KATNA1: variants seen among roughly 807,000 people sequenced by gnomAD.
The protein encoded by KATNA1 is katanin p60 ATPase-containing subunit A1.
KATNA1 carries 42 observed loss-of-function variants against 62.6 expected under a neutral mutation model. The ratio of observed to expected loss-of-function variants is 0.67; its 90% confidence interval spans 0.52 to 0.87. The LOEUF (loss-of-function observed/expected upper bound fraction) is 0.87, where lower values mean the gene tolerates loss of function less well. Among genes scored for constraint, KATNA1 ranks in the 40% least tolerant of loss-of-function variants. The probability of loss-of-function intolerance (pLI) is 0.00; values close to 1 mark genes in which losing one functional copy is unlikely to be tolerated. For missense variants in KATNA1, 498 were observed against 612.5 expected, an observed-to-expected ratio of 0.81 and a Z score of 1.97; for synonymous variants, 186 against 201.9, an observed-to-expected ratio of 0.92 and a Z score of 0.67.
intron 4 of KATNA1, among the ~76,000 whole-genome samples, chr6:149,621,146 T>A (rs1315780015): frequency 6.8e-6 from 1 of 147,806 alleles, no homozygotes; most frequent in Non-Finnish European, 1.5e-5. Flanking sequence ...TTTTTTGAGA[T>A]GGAGTCTCAC....
At chr6:149,623,468 G>A (rs1392837131) in intron 3 of KATNA1, among the ~76,000 whole-genome samples, 185 bp from the exon 4 acceptor site, 2 of 152,168 alleles carry the variant, frequency 1.3e-5, no homozygotes, top group African/African-American at 4.8e-5. Context: ...AAGGCGCGGT[G>A]GCTCACACCT....
rs1490319594 is a variant in KATNA1, at chr6:149,634,311, A to AAAATAAAATAAAATAAAATT, written c.163-1396_163-1395insAATTTTATTTTATTTTATTT. On this transcript the variant is annotated intron_variant, in intron 2 of 10. Coordinates refer to ENST00000367411, the MANE Select transcript of KATNA1 (RefSeq NM_007044.4). ...AAAATAAAATAAAATAAAATAAAAT[A>AAAATAAAATAAAATAAAATT]AAATAAAATAAATTGCATAACAAAT... Among the ~76,000 whole-genome samples the AAAATAAAATAAAATAAAATT allele has an allele frequency of 2.0e-4, 30 of 150,820 alleles. No homozygotes were observed. The East Asian group carries it at 4.2e-3, about 21-fold the overall frequency.
At chr6:149,639,195 A>G (rs1295392502) in intron 1 of KATNA1, among the ~76,000 whole-genome samples, 1 of 151,974 alleles carries the variant, frequency 6.6e-6, no homozygotes, top group African/African-American at 2.4e-5. Flanking sequence ...GCTACTTGGG[A>G]GGCTGAGACA....
intron 7 of KATNA1, among the ~76,000 whole-genome samples, chr6:149,600,194 TAAAAAAA>T (rs67468519): frequency 8.8e-5 from 6 of 67,984 alleles, no homozygotes; most frequent in South Asian, 7.2e-4. Context: ...GAGCTTATCT[TAAAAAAA>T]AAAAAAAAAA....
chr6:149,610,958 G>A (rs1440713816), intron 4 of KATNA1, among the ~76,000 whole-genome samples: 4 of 152,126 alleles, frequency 2.6e-5, no homozygotes, highest in African/African-American at 9.7e-5. Context: ...GGTGTTCCAC[G>A]CCTATAGTCT....
intron 10 of KATNA1, among the ~76,000 whole-genome samples, chr6:149,596,106 A>T (rs1778300779): frequency 6.6e-6 from 1 of 152,180 alleles, no homozygotes; most frequent in Non-Finnish European, 1.5e-5. Context: ...ATTTTACACA[A>T]TTTATCCTAA....
At chr6:149,624,891 G>A (rs888204194) in intron 3 of KATNA1, among the ~76,000 whole-genome samples, 1 of 150,674 alleles carries the variant, frequency 6.6e-6, no homozygotes, top group Non-Finnish European at 1.5e-5. Context: ...AACAGACCTA[G>A]CACCATGGCA....
In KATNA1 at chr6:149,604,819, T is replaced by C. The variant is rs567427093; in HGVS notation, c.502-37A>G. 3.8e-6 allele frequency: 6 copies of C among 1,595,648 alleles called. 1 individual carries two copies. The African/African-American group carries it at 8.1e-5, about 22-fold the overall frequency. On this transcript the variant is annotated intron_variant, in intron 4 of 10. Coordinates refer to ENST00000367411, the MANE Select transcript of KATNA1 (RefSeq NM_007044.4). ...GAAAAAAACAAGCGCTTTTGATTCA[T>C]TTATTTTGTTTCTGTGAGTCGGAAA...
At chr6:149,634,975 G>A (rs1430940212) in intron 2 of KATNA1, among the ~76,000 whole-genome samples, 3 of 147,772 alleles carry the variant, frequency 2.0e-5, no homozygotes, top group Admixed American at 1.4e-4. Flanking sequence ...TTTAGAGACA[G>A]GGTCTCATTC....
chr6:149,638,714 C>A, intron 1 of KATNA1, 154 bp from the exon 2 acceptor site: 3 of 321,916 alleles, frequency 9.3e-6, no homozygotes, highest in Non-Finnish European at 1.6e-5. Flanking sequence ...TATTTCACTC[C>A]TTTAAAAAAA....
intron 4 of KATNA1, among the ~76,000 whole-genome samples, chr6:149,615,132 C>CAAAAAAAA (rs893824279): frequency 6.6e-5 from 3 of 45,638 alleles, no homozygotes; most frequent in African/African-American, 1.6e-4. Flanking sequence ...GACTCTGTCT[C>CAAAAAAAA]AAAAAAAAAA....
In KATNA1 at chr6:149,643,373, T is replaced by TA. The variant is rs1205474486; in HGVS notation, c.-13-4814dup. 8.0e-4 allele frequency among the ~76,000 whole-genome samples: 122 copies of TA among 152,286 alleles called. 1 individual carries two copies. The highest frequency in any genetic ancestry group is 2.8e-3 in the African/African-American group (116 of 41,570). On this transcript the variant is annotated intron_variant, in intron 1 of 10. Transcript: ENST00000367411. Reference sequence around the variant, plus strand: ...TGACCCAGTGAAACAGTGAAAGAGATAAAAAATGTCTGTTGTTTTAAGTCA... The same window carrying TA: ...TGACCCAGTGAAACAGTGAAAGAGATAAAAAAATGTCTGTTGTTTTAAGTCA...
At chr6:149,648,171 T>A (rs1173408764) in intron 1 of KATNA1, among the ~76,000 whole-genome samples, 1 of 151,874 alleles carries the variant, frequency 6.6e-6, no homozygotes, top group Non-Finnish European at 1.5e-5. Context: ...AGAGAACCAG[T>A]CGAAAAATCG....
At chr6:149,609,553 C>T (rs1158145681) in intron 4 of KATNA1, among the ~76,000 whole-genome samples, 1 of 151,812 alleles carries the variant, frequency 6.6e-6, no homozygotes, top group East Asian at 1.9e-4. Flanking sequence ...GCCTGTAATC[C>T]CAGCATTTTG....
At chr6:149,635,665 C>T (rs182986385) in intron 2 of KATNA1, among the ~76,000 whole-genome samples, 5 of 152,004 alleles carry the variant, frequency 3.3e-5, no homozygotes, top group East Asian at 1.9e-4. Context: ...GCCGAGACTG[C>T]GCCACTGCAC....
Position 149,624,860 on chromosome 6 carries a change from C to A in KATNA1, c.321-1577G>T, listed in dbSNP as rs116650609. Among the ~76,000 whole-genome samples the A allele has an allele frequency of 3.8e-3, 574 of 150,244 alleles. 2 individuals carry two copies. Among genetic ancestry groups the A allele is most frequent in the African/African-American group, 0.013 (527 of 40,822 alleles). Reference sequence around the variant, plus strand: ...CAGACAGAAGCTATGTAAAGCTAGGCACGTATACTAGATGGTGTGAAACAG... The same window carrying A: ...CAGACAGAAGCTATGTAAAGCTAGGAACGTATACTAGATGGTGTGAAACAG... On this transcript the variant is annotated intron_variant, in intron 3 of 10. Transcript: ENST00000367411.
chr6:149,610,430 A>G (rs1375077631), intron 4 of KATNA1, among the ~76,000 whole-genome samples: 1 of 152,206 alleles, frequency 6.6e-6, no homozygotes, highest in East Asian at 1.9e-4. Context: ...CACAGAACAT[A>G]TACCAAAACA....
In KATNA1 at chr6:149,623,099, T is replaced by G; in HGVS notation, c.501+4A>C. ...TTCATTTATAAAAATCAATTAACAT[T>G]TACCTTTTCCTCTCTTCCTTTATTC... On this transcript the variant is annotated splice_donor_region_variant and intron_variant, in intron 4 of 10. Transcript: ENST00000367411. The G allele has an allele frequency of 6.4e-7, 1 of 1,564,704 alleles. No individual in the cohort carries two copies. Among genetic ancestry groups the G allele is most frequent in the Non-Finnish European group, 8.7e-7 (1 of 1,153,388 alleles).
intron 1 of KATNA1, 28 bp downstream of exon 1, chr6:149,648,441 C>T (rs1418002612): frequency 6.6e-6 from 1 of 152,216 alleles, no homozygotes; most frequent in Admixed American, 6.5e-5. Flanking sequence ...TCGGGGGTCC[C>T]CAGAGCACCG....
Sources: allele counts gnomAD v4.1 joint callset (sites outside exome capture counted in the v4.1 genomes callset), GRCh38; gene constraint gnomAD v4.1.1; transcripts MANE v1.5; gene names NCBI Gene and HGNC (gene_info 2026-07-23, HGNC 2026-07-21).